The following HEATR3 variants were observed in gnomAD, a reference collection of about 807,000 sequenced individuals.
HEATR3 encodes HEAT repeat-containing protein 3.
In HEATR3, 56 loss-of-function variants were observed where a neutral mutation model predicts 72.8. The ratio of observed to expected loss-of-function variants is 0.77; its 90% CI spans 0.62 to 0.96. The LOEUF is 0.96. Among genes scored for constraint, HEATR3 ranks in the 40% least tolerant of loss-of-function variants. HEATR3 has a pLI of 0.00. For synonymous variants in HEATR3, 331 were observed against 318.1 expected (o/e 1.04, Z -0.43); for missense variants, 747 against 831.4 (o/e 0.90, Z 1.25).
At chr16:50,077,626 C>G (rs2036766532) in intron 6 of HEATR3, among the ~76,000 whole-genome samples, 1 of 152,194 alleles carries the variant, frequency 6.6e-6, no homozygotes, top group Non-Finnish European at 1.5e-5. Flanking sequence ...CTTGACTCCT[C>G]TAAACACCTC....
In HEATR3 at chr16:50,066,267, A is replaced by AAGGTG. The variant is rs1353464443; in HGVS notation, c.138+2_138+6dup. On this transcript the variant is annotated frameshift_variant and splice_region_variant, in exon 1 of 15. Coordinates refer to ENST00000299192, the MANE Select transcript of HEATR3 (RefSeq NM_182922.4). LOFTEE classifies it high-confidence loss of function. Reference sequence around the variant, plus strand: ...CGGGCCGGCGGCGGAGCTGCTGGAAAAGGTGAGGCGAGGGCTCCGTCGGGC... The same window carrying AAGGTG: ...CGGGCCGGCGGCGGAGCTGCTGGAAAAGGTGAGGTGAGGCGAGGGCTCCGTCGGGC... 6.4e-7 allele frequency: 1 copy of AAGGTG among 1,573,232 alleles called. No individual in the cohort carries two copies. The highest frequency in any genetic ancestry group is 2.4e-5 in the East Asian group (1 of 42,532).
intron 14 of HEATR3, among the ~76,000 whole-genome samples, 200 bp downstream of exon 14, chr16:50,102,635 C>G (rs1176320278): frequency 6.6e-6 from 1 of 152,154 alleles, no homozygotes; most frequent in African/African-American, 2.4e-5. Flanking sequence ...GAAACTGAAG[C>G]TAAAATGGTA....
In HEATR3 at chr16:50,102,354, T is replaced by C. The variant is rs751953089; in HGVS notation, c.1839T>C (p.Asp613=). Residue 613 remains aspartate (D), a synonymous_variant, in exon 14 of 15, where the codon GAT becomes GAC. Transcript: ENST00000299192. The part of the protein sequence containing the change: ...ALDALFDVFA[D]GKEAERASIQ... The stretch of plus-strand genomic sequence containing the variant: ...ATGCCCTCTTTGATGTTTTTGCAGA[T>C]GGTAAAGAAGCCGAAAGAGCCTCGA... 1.9e-6 allele frequency: 3 copies of C among 1,614,016 alleles called. No homozygotes were observed. The highest frequency in any genetic ancestry group is 1.3e-5 in the African/African-American group (1 of 74,910).
intron 2 of HEATR3, among the ~76,000 whole-genome samples, chr16:50,067,481 G>A (rs1567422644): frequency 6.6e-6 from 1 of 151,850 alleles, no homozygotes; most frequent in Non-Finnish European, 1.5e-5. Context: ...GCAAAGAAGC[G>A]AAGCAGCAGG....
intron 6 of HEATR3, among the ~76,000 whole-genome samples, chr16:50,076,297 C>G (rs538548955): frequency 1.6e-3 from 236 of 151,804 alleles, no homozygotes; most frequent in Admixed American, 3.5e-3. Context: ...AAGTGATTCT[C>G]ATGCCTCAGC....
intron 11 of HEATR3, among the ~76,000 whole-genome samples, chr16:50,090,398 G>A (rs1456492581): frequency 6.6e-5 from 10 of 152,096 alleles, no homozygotes; most frequent in Admixed American, 6.6e-4. Context: ...TGGGGCTAAA[G>A]ATCTCTGCTG....
intron 11 of HEATR3, among the ~76,000 whole-genome samples, chr16:50,087,178 G>A (rs551304794): frequency 3.9e-5 from 6 of 152,054 alleles, no homozygotes; most frequent in East Asian, 2.0e-4. Context: ...GCGGGCATGC[G>A]TGCGTGTGTG....
rs147166906 is a variant in HEATR3 at position 50,105,037 on chromosome 16, T to C, written c.2019T>C (p.Thr673=). ...NLRRFIAYQE[T]VEKRLTS ...GAAGATTTATTGCTTATCAAGAAAC[T>C]GTTGAGAAAAGACTGACTTCTTAAA... The change falls in exon 15 of 15, where the codon ACT becomes ACC. Residue 673 remains threonine (T), a synonymous_variant. Coordinates refer to ENST00000299192, the MANE Select transcript of HEATR3 (RefSeq NM_182922.4). 53 of 1,612,284 alleles carry C rather than the reference T, an allele frequency of 3.3e-5. No individual in the cohort carries two copies. In the African/African-American group the frequency reaches 6.5e-4, roughly 20 times the overall value.
intron 10 of HEATR3, 92 bp downstream of exon 10, chr16:50,084,743 AC>A: frequency 1.1e-6 from 1 of 924,130 alleles, no homozygotes. Context: ...TCCCCCTAGG[AC>A]CCAGAAGTTT....
At chr16:50,102,650 A>G (rs527987445) in intron 14 of HEATR3, among the ~76,000 whole-genome samples, 6 of 152,346 alleles carry the variant, frequency 3.9e-5, no homozygotes, top group African/African-American at 1.4e-4. Flanking sequence ...ATGGTATCTG[A>G]CAAGTTCTTC....
Position 50,066,282 on chromosome 16 carries a change from C to A in HEATR3, c.138+13C>A, listed in dbSNP as rs374039068. 3 of 1,575,866 alleles carry A rather than the reference C, an allele frequency of 1.9e-6. No homozygotes were observed. In the South Asian group the frequency reaches 3.4e-5, roughly 18 times the overall value. ...GCTGCTGGAAAAGGTGAGGCGAGGG[C>A]TCCGTCGGGCCGGGAGGCGAGACGA... On this transcript the variant is annotated intron_variant, in intron 1 of 14. Coordinates refer to ENST00000299192, the MANE Select transcript of HEATR3 (RefSeq NM_182922.4).
In HEATR3 at chr16:50,075,602, C is replaced by T; in HGVS notation, c.654C>T (p.Asn218=). 6.2e-7 allele frequency: 1 copy of T among 1,613,642 alleles called. No homozygotes were observed. Among genetic ancestry groups the T allele is most frequent in the Non-Finnish European group, 8.5e-7 (1 of 1,179,634 alleles). ...AYCLQTVTED[N]PELLKSFSAT... is the part of the protein sequence containing the mutation. ...GTTTGCAGACAGTGACTGAGGATAA[C>T]CCAGAGCTGCTGAAGTCTTTCAGTG... is the stretch of plus-strand genomic sequence containing the variant. The change falls in exon 6 of 15, where the codon AAC becomes AAT. Residue 218 remains asparagine, a synonymous_variant. Coordinates refer to ENST00000299192, the MANE Select transcript of HEATR3 (RefSeq NM_182922.4).
chr16:50,105,125 T>A lies in HEATR3; in HGVS notation c.*64T>A. 6.6e-7 allele frequency: 1 copy of A among 1,505,876 alleles called. No individual in the cohort carries two copies. The highest frequency in any genetic ancestry group is 1.9e-5 in the Admixed American group (1 of 51,346). The allele number at this position is 1,505,876 out of a possible 1,614,324, so 93.3% of individuals were successfully genotyped here. On this transcript the variant is annotated 3_prime_UTR_variant, in exon 15 of 15. Transcript: ENST00000299192. Reference sequence around the variant, plus strand: ...TCAATGCTTAGAATACTAAAAGGTTTTCTTTGAATGTATATGTTTCTGAAA... The same window carrying A: ...TCAATGCTTAGAATACTAAAAGGTTATCTTTGAATGTATATGTTTCTGAAA...
intron 6 of HEATR3, among the ~76,000 whole-genome samples, chr16:50,076,920 G>A (rs374443004): frequency 7.2e-4 from 106 of 146,870 alleles, no homozygotes; most frequent in African/African-American, 2.4e-3. Flanking sequence ...CCAGGCTGGA[G>A]TGCGTGGCGC....
chr16:50,084,524 A>C (rs1313666370), intron 9 of HEATR3, 45 bp from the exon 10 acceptor site: 1 of 1,366,734 alleles, frequency 7.3e-7, no homozygotes, highest in Non-Finnish European at 1.0e-6. Context: ...ATCGTGTTAA[A>C]TGACTACTCT....
intron 11 of HEATR3, among the ~76,000 whole-genome samples, chr16:50,090,974 G>A (rs955145230): frequency 1.8e-4 from 27 of 150,918 alleles, no homozygotes; most frequent in African/African-American, 6.1e-4. Context: ...GTGAAATCCC[G>A]TCTCCACTAA....
intron 11 of HEATR3, among the ~76,000 whole-genome samples, chr16:50,093,687 G>A (rs1011522027): frequency 2.6e-5 from 4 of 152,180 alleles, no homozygotes; most frequent in African/African-American, 9.7e-5. Context: ...GGAATCATCC[G>A]AAGTCTTGTT....
At chr16:50,095,603 G>T (rs904685288) in intron 12 of HEATR3, among the ~76,000 whole-genome samples, 4 of 151,866 alleles carry the variant, frequency 2.6e-5, no homozygotes, top group Non-Finnish European at 4.4e-5. Context: ...GGGTCTTACT[G>T]TGTTGCCCAG....
At position 50,094,717 on chromosome 16, in the gene HEATR3, A is replaced by C; in HGVS notation, c.1523A>C (p.His508Pro). ...LLFSQPDFAKHVDFLEAISSA... is the reference protein window; with the variant it reads ...LLFSQPDFAKPVDFLEAISSA... ...TTTTGTGTTTTAGATTTTGCTAAAC[A>C]TGTTGACTTTCTAGAAGCCATAAGT... The change falls in exon 12 of 15, where the codon CAT (histidine) becomes CCT (proline). Residue 508 changes from histidine (H) to proline (P), a missense_variant. Around this residue, in one of 2 missense-constraint regions of HEATR3, gnomAD observed 586 missense variants for 708.8 expected, o/e 0.83. Transcript: ENST00000299192. 6.4e-7 allele frequency: 1 copy of C among 1,566,512 alleles called. No homozygotes were observed. The highest frequency in any genetic ancestry group is 8.6e-7 in the Non-Finnish European group (1 of 1,159,358).
Sources: gnomAD v4.1 joint callset for allele counts (sites outside exome capture counted in the v4.1 genomes callset) on GRCh38, gnomAD v4.1.1 for gene constraint, gnomAD v4.1.1 regional missense constraint, MANE v1.5 for transcripts, NCBI Gene and HGNC (gene_info 2026-07-23, HGNC 2026-07-21) for gene names.